FREM2: variants seen among roughly 807,000 people sequenced by gnomAD.
FREM2 encodes the protein FRAS1-related extracellular matrix protein 2.
FREM2 carries 119 observed loss-of-function variants against 219.9 expected under a neutral mutation model. The ratio of observed to expected loss-of-function variants is 0.54; its 90% CI spans 0.47 to 0.63. The LOEUF is 0.63. FREM2 is among the 30% of genes least tolerant of loss of function. The probability of loss-of-function intolerance (pLI) is 0.00; values close to 1 mark genes in which losing one functional copy is unlikely to be tolerated. For missense variants in FREM2, 4,030 were observed against 3,993.6 expected (o/e 1.01, Z -0.25); for synonymous variants, 1,562 against 1,522.8 (o/e 1.03, Z -0.60).
intron 18 of FREM2, among the ~76,000 whole-genome samples, chr13:38,874,860 C>T (rs940194877): frequency 7.2e-5 from 11 of 152,152 alleles, no homozygotes; most frequent in African/African-American, 2.4e-4. Flanking sequence ...GTAAAGTTTT[C>T]CTTAAAGAGC....
At chr13:38,794,594 T>TGAA (rs1874694694) in intron 6 of FREM2, among the ~76,000 whole-genome samples, 1 of 152,202 alleles carries the variant, frequency 6.6e-6, no homozygotes, top group Non-Finnish European at 1.5e-5. Context: ...ATTTTATTAA[T>TGAA]GTCTAAGCTT....
chr13:38,871,556 G>A (rs1166510456), intron 16 of FREM2, among the ~76,000 whole-genome samples: 1 of 152,148 alleles, frequency 6.6e-6, no homozygotes, highest in Non-Finnish European at 1.5e-5. Context: ...GATGAAGTAA[G>A]ACAGAATAGA....
At chr13:38,770,193 A>C (rs1008107932) in intron 4 of FREM2, among the ~76,000 whole-genome samples, 18 of 147,904 alleles carry the variant, frequency 1.2e-4, no homozygotes, top group Non-Finnish European at 2.4e-4. Context: ...TTATTTACAT[A>C]TTTATATATA....
Position 38,764,391 on chromosome 13 carries a change from C to G in FREM2, c.5351C>G (p.Ser1784Cys). 6.2e-7 allele frequency: 1 copy of G among 1,602,932 alleles called. No homozygotes were observed. The change falls in exon 3 of 24, where the codon TCC (serine) becomes TGC (cysteine). Residue 1784 changes from serine to cysteine, a missense_variant. Physicochemically the swap from Ser to Cys is moderately radical, Grantham distance 112. Around this residue, in one of 2 missense-constraint regions of FREM2, gnomAD observed 3,102 missense variants for 2,950.7 expected, o/e 1.05. Transcript: ENST00000280481. Reference protein sequence around the residue: ...EKEYYLVNEDSKFLDVVLKRR... With the variant: ...EKEYYLVNEDCKFLDVVLKRR... ...GAATATTACCTGGTCAATGAGGACTCCAAATTTCTAGATGTTGTTCTTAAA... is the reference window on the plus strand; with the variant it reads ...GAATATTACCTGGTCAATGAGGACTGCAAATTTCTAGATGTTGTTCTTAAA...
Position 38,691,742 on chromosome 13 carries a change from A to T in FREM2, c.4398A>T (p.Arg1466=). The part of the protein sequence containing the change: ...LVFTITRAPM[R]GHLECTDQPG... ...TTACCATCACCAGGGCTCCCATGCGAGGTCACCTGGAATGCACGGATCAGC... is the reference window on the plus strand; with the variant it reads ...TTACCATCACCAGGGCTCCCATGCGTGGTCACCTGGAATGCACGGATCAGC... Residue 1466 remains arginine, a synonymous_variant, in exon 1 of 24, where the codon CGA becomes CGT. Coordinates refer to ENST00000280481, the MANE Select transcript of FREM2 (RefSeq NM_207361.6). 2.5e-6 allele frequency: 4 copies of T among 1,613,856 alleles called. No individual in the cohort carries two copies. The highest frequency in any genetic ancestry group is 3.4e-6 in the Non-Finnish European group (4 of 1,179,732).
At chr13:38,702,372 A>G (rs975595173) in intron 2 of FREM2, among the ~76,000 whole-genome samples, 5 of 152,200 alleles carry the variant, frequency 3.3e-5, no homozygotes, top group African/African-American at 9.6e-5. Flanking sequence ...ACCATTTCCT[A>G]TAAGTCACTA....
chr13:38,798,244 A>G (rs1185345579), intron 6 of FREM2, among the ~76,000 whole-genome samples: 1 of 152,024 alleles, frequency 6.6e-6, no homozygotes, highest in Non-Finnish European at 1.5e-5. Context: ...TATGGTTTAT[A>G]TCTTTCATTC....
intron 6 of FREM2, among the ~76,000 whole-genome samples, chr13:38,785,571 A>G (rs2483424): frequency 0.63 from 95,647 of 152,042 alleles, 30,554 homozygotes; most frequent in African/African-American, 0.67. Flanking sequence ...TGGGGGATAA[A>G]TCTTTCGGTT....
rs1270815769 is a variant in FREM2 at position 38,882,425 on chromosome 13, T to C, written c.*1638T>C. Reference sequence around the variant, plus strand: ...ATTTGGTGTCTGTAAGTATCAACCATTTCTTGATCAAGATAAGGAAGCAAC... The same window carrying C: ...ATTTGGTGTCTGTAAGTATCAACCACTTCTTGATCAAGATAAGGAAGCAAC... On this transcript the variant is annotated 3_prime_UTR_variant, in exon 24 of 24. Transcript: ENST00000280481. 6.6e-6 allele frequency: 1 copy of C among 152,180 alleles called. No individual in the cohort carries two copies. The highest frequency in any genetic ancestry group is 1.5e-5 in the Non-Finnish European group (1 of 68,034). The allele number at this position is 152,180 out of a possible 1,614,324, so 9.4% of individuals were successfully genotyped here.
chr13:38,744,576 C>T lies in FREM2; in HGVS notation c.5264-19728C>T, dbSNP rs185381765. On this transcript the variant is annotated intron_variant, in intron 2 of 23. Transcript: ENST00000280481. ...GCGTGATCTCGGCTCACTGCAACCT[C>T]CACCTCCCGTGTTCAAGCAATTCTC... Among the ~76,000 whole-genome samples the T allele has an allele frequency of 2.4e-3, 367 of 152,196 alleles. 1 individual carries two copies. The highest frequency in any genetic ancestry group is 8.1e-3 in the African/African-American group (337 of 41,502).
intron 6 of FREM2, among the ~76,000 whole-genome samples, chr13:38,789,995 C>T (rs1874494931): frequency 6.6e-6 from 1 of 152,058 alleles, no homozygotes; most frequent in African/African-American, 2.4e-5. Flanking sequence ...AAAGCCTATA[C>T]AATCCTAGTT....
intron 4 of FREM2, among the ~76,000 whole-genome samples, chr13:38,771,327 T>A (rs948241499): frequency 7.2e-5 from 11 of 152,322 alleles, no homozygotes; most frequent in South Asian, 2.1e-4. Flanking sequence ...GCTTTTCTCT[T>A]TTAAACAAGC....
intron 6 of FREM2, among the ~76,000 whole-genome samples, chr13:38,787,774 T>C (rs1487311210): frequency 6.7e-6 from 1 of 150,236 alleles, no homozygotes; most frequent in African/African-American, 2.4e-5. Flanking sequence ...TTATTATTTA[T>C]TAATTTAGCA....
intron 2 of FREM2, among the ~76,000 whole-genome samples, chr13:38,737,283 G>T (rs944276322): frequency 2.0e-5 from 3 of 152,168 alleles, no homozygotes. Flanking sequence ...ACCGAAGAAG[G>T]TCTCTAAGCT....
At chr13:38,799,334 A>C (rs1357199188) in intron 6 of FREM2, among the ~76,000 whole-genome samples, 1 of 152,024 alleles carries the variant, frequency 6.6e-6, no homozygotes, top group Non-Finnish European at 1.5e-5. Flanking sequence ...GATGCTTGAT[A>C]AAATTTTTCT....
chr13:38,838,215 A>G (rs149684796), intron 6 of FREM2, among the ~76,000 whole-genome samples: 2,377 of 152,230 alleles, frequency 0.016, 53 homozygotes, highest in African/African-American at 0.055. Flanking sequence ...TCCTTCACTT[A>G]TGAAGCTTAG....
chr13:38,786,816 T>G (rs1201420117), intron 6 of FREM2, among the ~76,000 whole-genome samples: 1 of 152,184 alleles, frequency 6.6e-6, no homozygotes, highest in Non-Finnish European at 1.5e-5. Context: ...AAATGAAAGA[T>G]GATGCCATTA....
At chr13:38,845,678 AT>A (rs1404292448) in intron 6 of FREM2, among the ~76,000 whole-genome samples, 4 of 151,906 alleles carry the variant, frequency 2.6e-5, no homozygotes, top group Admixed American at 6.6e-5. Flanking sequence ...CTCAAAATAA[AT>A]TTTTTTTTAC....
intron 6 of FREM2, among the ~76,000 whole-genome samples, chr13:38,789,442 A>G (rs552166473): frequency 4.0e-5 from 6 of 151,326 alleles, no homozygotes; most frequent in East Asian, 3.9e-4. Flanking sequence ...ATGTTCTTCT[A>G]TCCTCTCTCT....
Sources: allele counts gnomAD v4.1 joint callset (sites outside exome capture counted in the v4.1 genomes callset), GRCh38; gene constraint gnomAD v4.1.1; regional missense constraint gnomAD v4.1.1; transcripts MANE v1.5; gene names NCBI Gene and HGNC (gene_info 2026-07-23, HGNC 2026-07-21).